ITGBL1: variants seen among roughly 807,000 people sequenced by gnomAD.
ITGBL1 encodes the protein integrin subunit beta like 1, also known as integrin beta-like protein 1.
In ITGBL1, 51 loss-of-function variants were observed where a neutral mutation model predicts 68.5. That is an observed-to-expected ratio of 0.74 (90% CI 0.59 to 0.94). ITGBL1 has a LOEUF of 0.94. ITGBL1 is among the 40% of genes least tolerant of loss of function. ITGBL1 has a pLI of 0.00. For missense variants in ITGBL1, 649 were observed against 647.4 expected (o/e 1.00, Z -0.03); for synonymous variants, 209 against 227.3 (o/e 0.92, Z 0.72).
intron 5 of ITGBL1, among the ~76,000 whole-genome samples, chr13:101,582,431 C>T (rs1033517454): frequency 1.3e-5 from 2 of 152,076 alleles, no homozygotes; most frequent in Non-Finnish European, 2.9e-5. Flanking sequence ...AACTTTATGT[C>T]TCTATCAAAT....
intron 7 of ITGBL1, among the ~76,000 whole-genome samples, chr13:101,639,278 A>G (rs1037959632): frequency 6.6e-6 from 1 of 152,198 alleles, no homozygotes; most frequent in Non-Finnish European, 1.5e-5. Context: ...CTCGTGGCCA[A>G]TATTTCCCTG....
chr13:101,568,618 G>C (rs1458014733), intron 3 of ITGBL1, among the ~76,000 whole-genome samples: 1 of 151,964 alleles, frequency 6.6e-6, no homozygotes, highest in African/African-American at 2.4e-5. Context: ...CCTTGACGTT[G>C]GTGGTTTTTT....
chr13:101,547,458 G>A (rs1400480345), intron 2 of ITGBL1, among the ~76,000 whole-genome samples: 1 of 151,502 alleles, frequency 6.6e-6, no homozygotes, highest in African/African-American at 2.4e-5. Context: ...TTAAAATACA[G>A]CTTTTTTCCT....
At chr13:101,565,832 A>G (rs2139246732) in intron 2 of ITGBL1, among the ~76,000 whole-genome samples, 1 of 152,172 alleles carries the variant, frequency 6.6e-6, no homozygotes, top group Middle Eastern at 3.4e-3. Flanking sequence ...TTCAGGGGAT[A>G]AGCAACTTAG....
At chr13:101,559,839 A>T (rs2050070994) in intron 2 of ITGBL1, among the ~76,000 whole-genome samples, 1 of 152,208 alleles carries the variant, frequency 6.6e-6, no homozygotes, top group Non-Finnish European at 1.5e-5. Context: ...ATAGTACTGG[A>T]AGCCAATAAT....
chr13:101,596,931 C>A (rs563783060), intron 6 of ITGBL1, among the ~76,000 whole-genome samples: 2 of 152,152 alleles, frequency 1.3e-5, no homozygotes, highest in South Asian at 2.1e-4. Flanking sequence ...GGGAGAGGGA[C>A]GGATGACTAG....
intron 2 of ITGBL1, among the ~76,000 whole-genome samples, chr13:101,500,561 C>A (rs898495103): frequency 1.3e-5 from 2 of 152,122 alleles, no homozygotes; most frequent in African/African-American, 4.8e-5. Flanking sequence ...ACTAATGAAT[C>A]CTCCTGAATT....
chr13:101,554,018 C>T (rs1000629689), intron 2 of ITGBL1, among the ~76,000 whole-genome samples: 1 of 152,098 alleles, frequency 6.6e-6, no homozygotes, highest in African/African-American at 2.4e-5. Context: ...AGGTGATCCT[C>T]CTGTCTCGGC....
At chr13:101,482,907 TCA>T (rs2048646913) in intron 2 of ITGBL1, among the ~76,000 whole-genome samples, 1 of 152,174 alleles carries the variant, frequency 6.6e-6, no homozygotes, top group Non-Finnish European at 1.5e-5. Flanking sequence ...CTGTGAATTC[TCA>T]GTTTCATACT....
At chr13:101,717,034 A>G (rs1002259624), downstream of ITGBL1, 1 of 152,012 alleles carries the variant, frequency 6.6e-6, no homozygotes, top group Non-Finnish European at 1.5e-5. Flanking sequence ...TTTTTTCTAA[A>G]GGTGAATTAC....
At chr13:101,583,794 T>C (rs148352405) in intron 6 of ITGBL1, among the ~76,000 whole-genome samples, 192 of 152,348 alleles carry the variant, frequency 1.3e-3, no homozygotes, top group African/African-American at 4.2e-3. Context: ...ATATTTGCAG[T>C]GCTCCTACTG....
intron 7 of ITGBL1, among the ~76,000 whole-genome samples, chr13:101,645,775 G>T (rs2032537513): frequency 6.6e-6 from 1 of 152,162 alleles, no homozygotes; most frequent in Non-Finnish European, 1.5e-5. Context: ...ACGCAGGAGG[G>T]ACACGTGGGT....
intron 2 of ITGBL1, among the ~76,000 whole-genome samples, chr13:101,465,202 A>G (rs960953156): frequency 6.6e-6 from 1 of 152,210 alleles, no homozygotes; most frequent in Non-Finnish European, 1.5e-5. Flanking sequence ...TCTTTTTTCA[A>G]AATAAATAAT....
intron 6 of ITGBL1, among the ~76,000 whole-genome samples, chr13:101,590,142 C>T (rs947145269): frequency 2.0e-5 from 3 of 152,130 alleles, no homozygotes; most frequent in Non-Finnish European, 4.4e-5. Context: ...TTAAGGCTTC[C>T]ACAGCTAATC....
intron 7 of ITGBL1, among the ~76,000 whole-genome samples, chr13:101,671,254 G>C (rs1171074488): frequency 6.6e-6 from 1 of 151,934 alleles, no homozygotes; most frequent in Admixed American, 6.6e-5. Flanking sequence ...CAAAAATCAA[G>C]CAGAACAAAA....
At chr13:101,597,848 G>A (rs1244327650) in intron 6 of ITGBL1, among the ~76,000 whole-genome samples, 3 of 151,882 alleles carry the variant, frequency 2.0e-5, no homozygotes, top group African/African-American at 4.8e-5. Context: ...CACAGCGCCC[G>A]GCCCAAATAC....
At chr13:101,654,128 G>A (rs1047298124) in intron 7 of ITGBL1, among the ~76,000 whole-genome samples, 2 of 152,026 alleles carry the variant, frequency 1.3e-5, no homozygotes, top group African/African-American at 4.8e-5. Context: ...CAAGTTTGCC[G>A]ATTTCAGGAA....
intron 2 of ITGBL1, among the ~76,000 whole-genome samples, chr13:101,493,707 C>T (rs2048814533): frequency 6.6e-6 from 1 of 152,198 alleles, no homozygotes. Context: ...CCTGGGGGAC[C>T]TAAGCCTGTA....
At chr13:101,611,280 C>T (rs954758988) in intron 7 of ITGBL1, among the ~76,000 whole-genome samples, 1 of 152,134 alleles carries the variant, frequency 6.6e-6, no homozygotes, top group African/African-American at 2.4e-5. Context: ...TGCTAAAATG[C>T]CAAGTTTTAT....
Sources: allele counts gnomAD v4.1 joint callset (sites outside exome capture counted in the v4.1 genomes callset), GRCh38; gene constraint gnomAD v4.1.1; transcripts MANE v1.5; gene names NCBI Gene and HGNC (gene_info 2026-07-23, HGNC 2026-07-21).